PAPOLA: variants seen among roughly 807,000 people sequenced by gnomAD.
PAPOLA encodes polynucleotide adenylyltransferase alpha.
A neutral mutation model predicts 100.6 loss-of-function variants in PAPOLA; 15 were observed. The observed-to-expected ratio is 0.15, with a 90% CI of 0.10 to 0.23. PAPOLA has a LOEUF of 0.23. PAPOLA is among the 10% of genes least tolerant of loss of function. The probability of loss-of-function intolerance (pLI) is 1.00; values close to 1 mark genes in which losing one functional copy is unlikely to be tolerated. For synonymous variants in PAPOLA, 293 were observed against 300.0 expected, an observed-to-expected ratio of 0.98 and a Z score of 0.24; for missense variants, 533 against 884.2, an observed-to-expected ratio of 0.60 and a Z score of 5.04.
intron 19 of PAPOLA, among the ~76,000 whole-genome samples, chr14:96,557,611 T>A (rs1217501070): frequency 6.6e-6 from 1 of 151,806 alleles, no homozygotes; most frequent in Admixed American, 6.6e-5. Context: ...ATTTACTTAC[T>A]ACAACACAAT....
intron 11 of PAPOLA, 57 bp from the exon 12 acceptor site, chr14:96,536,919 T>TA (rs1303070670): frequency 2.0e-6 from 2 of 987,428 alleles, no homozygotes; most frequent in African/African-American, 3.2e-5. Context: ...TAAGATTATT[T>TA]AAAATTCTAG....
In PAPOLA at chr14:96,527,406, G is replaced by A. The variant is rs770029681; in HGVS notation, c.332-24G>A. ...AATTTTCTTGTAATATTAATTAGTG[G>A]TTGATGGGCTTAATTTTTTTTAGGT... On this transcript the variant is annotated intron_variant, in intron 4 of 21. Transcript: ENST00000216277. 9.4e-5 allele frequency: 130 copies of A among 1,388,610 alleles called. 3 individuals are homozygous for A. In the South Asian group the frequency reaches 1.5e-3, roughly 16 times the overall value. The allele number at this position is 1,388,610 out of a possible 1,614,324, so 86.0% of individuals were successfully genotyped here. A position where few individuals can be genotyped will look rare whatever the true frequency, so the allele number is the denominator to read the frequency against.
chr14:96,526,166 A>T (rs577352064), intron 4 of PAPOLA: 1 of 152,222 alleles, frequency 6.6e-6, no homozygotes, highest in Non-Finnish European at 1.5e-5. Context: ...GGCAAAGAAC[A>T]TTTATTGAGC....
Position 96,521,104 on chromosome 14 carries a change from T to G in PAPOLA, c.249+32T>G, listed in dbSNP as rs7160399. The G allele has an allele frequency of 1.6e-4, 156 of 999,740 alleles. 2 individuals are homozygous for G. The African/African-American group carries it at 1.9e-3, about 12-fold the overall frequency. 61.9% of individuals were successfully genotyped at this position (999,740 alleles called of 1,614,324 possible). A position where few individuals can be genotyped will look rare whatever the true frequency, so the allele number is the denominator to read the frequency against. On this transcript the variant is annotated intron_variant, in intron 3 of 21. Coordinates refer to ENST00000216277, the MANE Select transcript of PAPOLA (RefSeq NM_032632.5). Reference sequence around the variant, plus strand: ...CAACTTTTTTGTATATGAAATAATTTCATATATAGCCAACTGAACACAGCA... The same window carrying G: ...CAACTTTTTTGTATATGAAATAATTGCATATATAGCCAACTGAACACAGCA...
chr14:96,529,325 T>C (rs1333958176), intron 6 of PAPOLA, among the ~76,000 whole-genome samples: 1 of 152,076 alleles, frequency 6.6e-6, no homozygotes, highest in Non-Finnish European at 1.5e-5. Context: ...TTGAACAGTT[T>C]ATCCTAGACC....
chr14:96,542,915 T>C (rs1900107684), intron 14 of PAPOLA, 22 bp downstream of exon 14: 2 of 1,607,448 alleles, frequency 1.2e-6, no homozygotes, highest in African/African-American at 2.7e-5. Flanking sequence ...TCTAATTTAA[T>C]TTCTTCTTCC....
At chr14:96,564,909 A>ATT in intron 21 of PAPOLA, 46 bp from the exon 22 acceptor site, 1 of 980,174 alleles carries the variant, frequency 1.0e-6, no homozygotes, top group Non-Finnish European at 1.6e-6. Flanking sequence ...TCATTGTTAA[A>ATT]TTATGGTGCT....
intron 6 of PAPOLA, among the ~76,000 whole-genome samples, chr14:96,530,998 A>AT (rs1566847732): frequency 1.3e-5 from 2 of 149,514 alleles, no homozygotes; most frequent in South Asian, 2.1e-4. Context: ...CACCTGGCTA[A>AT]TTTTTTTGTA....
intron 16 of PAPOLA, among the ~76,000 whole-genome samples, chr14:96,548,585 G>A (rs1900578822): frequency 6.6e-6 from 1 of 152,100 alleles, no homozygotes; most frequent in African/African-American, 2.4e-5. Context: ...ATACTTCACA[G>A]TATGCAGCAG....
At chr14:96,542,202 G>C (rs202242203) in intron 12 of PAPOLA, 41 bp from the exon 13 acceptor site, 1 of 1,248,902 alleles carries the variant, frequency 8.0e-7, no homozygotes, top group East Asian at 2.3e-5. Flanking sequence ...AGCACAAAGC[G>C]TGTAAATAAA....
At chr14:96,525,416 G>GA in intron 4 of PAPOLA, 25 bp downstream of exon 4, 1 of 951,374 alleles carries the variant, frequency 1.1e-6, no homozygotes, top group Non-Finnish European at 1.6e-6. Context: ...ATTTTTCTTA[G>GA]AAAGGGACCC....
chr14:96,520,851 C>T (rs911582471), intron 2 of PAPOLA, 155 bp from the exon 3 acceptor site: 8 of 547,600 alleles, frequency 1.5e-5, no homozygotes, highest in Non-Finnish European at 2.7e-5. Flanking sequence ...AGAGAGAAAG[C>T]GAGAGAGAGA....
At position 96,527,470 on chromosome 14, in the gene PAPOLA, T is replaced by G. The variant is rs139977150; in HGVS notation, c.372T>G (p.Val124=). ...CGTTGTGTGTTGCACCAAGACATGT[T>G]GATCGAAGTGACTTTTTCACCTCAT... The part of the protein sequence containing the change: ...IDALCVAPRH[V]DRSDFFTSFY... The change falls in exon 5 of 22, where the codon GTT becomes GTG. Residue 124 remains valine (V), a synonymous_variant. Coordinates refer to ENST00000216277, the MANE Select transcript of PAPOLA (RefSeq NM_032632.5). The G allele has an allele frequency of 1.9e-4, 311 of 1,613,344 alleles. 1 individual carries two copies. In the East Asian group the frequency reaches 6.1e-3, roughly 31 times the overall value.
chr14:96,506,142 TC>T (rs921660405), intron 1 of PAPOLA, among the ~76,000 whole-genome samples: 7 of 151,374 alleles, frequency 4.6e-5, no homozygotes, highest in African/African-American at 1.5e-4. Flanking sequence ...GACCTCGTGA[TC>T]CCCCCCCACC....
intron 12 of PAPOLA, chr14:96,542,004 T>C (rs1362524331): frequency 9.9e-6 from 3 of 302,006 alleles, no homozygotes; most frequent in Non-Finnish European, 1.8e-5. Context: ...GCTTCTTGAA[T>C]TAAGCTGCTT....
chr14:96,564,995 C>T lies in PAPOLA; in HGVS notation c.2183C>T (p.Pro728Leu), dbSNP rs762462182. The change falls in exon 22 of 22, where the codon CCT becomes CTT. Residue 728 changes from proline (P) to leucine (L), a missense_variant. Physicochemically the swap from Pro to Leu is moderately conservative, Grantham distance 98. Transcript: ENST00000216277. The stretch of plus-strand genomic sequence containing the variant: ...GACCTTTCTGATATCCCTGCTCTCC[C>T]TGCAAATCCTATTCCTGTTATCAAG... ...STDLSDIPALPANPIPVIKNS... is the reference protein window; with the variant it reads ...STDLSDIPALLANPIPVIKNS... The T allele has an allele frequency of 6.2e-7, 1 of 1,603,296 alleles. No individual in the cohort carries two copies. Among genetic ancestry groups the T allele is most frequent in the Non-Finnish European group, 8.5e-7 (1 of 1,170,306 alleles).
At chr14:96,509,932 C>T (rs186902547) in intron 1 of PAPOLA, among the ~76,000 whole-genome samples, 109 of 136,322 alleles carry the variant, frequency 8.0e-4, no homozygotes, top group African/African-American at 3.0e-3. Context: ...TTAGACGCCG[C>T]TTTGTTGTGG....
At chr14:96,523,530 C>G (rs1226696950) in intron 3 of PAPOLA, among the ~76,000 whole-genome samples, 1 of 152,316 alleles carries the variant, frequency 6.6e-6, no homozygotes, top group East Asian at 1.9e-4. Flanking sequence ...TCCTTCACCT[C>G]CTTTGTAGGC....
intron 20 of PAPOLA, 185 bp from the exon 21 acceptor site, chr14:96,562,634 A>G: frequency 4.9e-6 from 2 of 410,340 alleles, no homozygotes; most frequent in Non-Finnish European, 8.9e-6. Context: ...AAATTTATTA[A>G]TATCTGAAAT....
Sources: gnomAD v4.1 joint callset for allele counts (sites outside exome capture counted in the v4.1 genomes callset) on GRCh38, gnomAD v4.1.1 for gene constraint, MANE v1.5 for transcripts, NCBI Gene and HGNC (gene_info 2026-07-23, HGNC 2026-07-21) for gene names.